Variants in POLN observed in about 807,000 individuals in gnomAD.
The protein encoded by POLN is DNA polymerase nu.
A neutral mutation model predicts 113.5 loss-of-function variants in POLN; 108 were observed. The observed-to-expected ratio is 0.95, with a 90% CI of 0.81 to 1.12. The LOEUF (loss-of-function observed/expected upper bound fraction) is 1.12. POLN is among the 50% of genes most tolerant of loss of function. POLN has a pLI of 0.00. For synonymous variants in POLN, 386 were observed against 391.5 expected, an observed-to-expected ratio of 0.99 and a Z score of 0.17; for missense variants, 1,097 against 1,077.1, an observed-to-expected ratio of 1.02 and a Z score of -0.26.
intron 2 of POLN, among the ~76,000 whole-genome samples, chr4:2,234,948 C>A (rs1161283855): frequency 6.6e-6 from 1 of 152,148 alleles, no homozygotes; most frequent in Non-Finnish European, 1.5e-5. Context: ...TGCAGTGGCG[C>A]GATCTTGACT....
intron 16 of POLN, among the ~76,000 whole-genome samples, chr4:2,151,746 G>A (rs1303923257): frequency 2.0e-5 from 3 of 152,314 alleles, no homozygotes; most frequent in Middle Eastern, 3.4e-3. Context: ...TCCATTCACA[G>A]AGGTTTCCAG....
At chr4:2,240,093 C>T (rs1441025670) in intron 2 of POLN, 8 of 1,613,880 alleles carry the variant, frequency 5.0e-6, no homozygotes, top group Non-Finnish European at 5.9e-6. Flanking sequence ...TGACTTCATG[C>T]TCGAATTACT....
intron 19 of POLN, among the ~76,000 whole-genome samples, chr4:2,124,338 T>G (rs112425108): frequency 6.6e-6 from 1 of 152,110 alleles, no homozygotes; most frequent in Admixed American, 6.5e-5. Flanking sequence ...GGTGTAATCA[T>G]AGCTCACTGC....
At chr4:2,197,909 CAA>C (rs908988231) in intron 6 of POLN, among the ~76,000 whole-genome samples, 1 of 152,112 alleles carries the variant, frequency 6.6e-6, no homozygotes, top group African/African-American at 2.4e-5. Context: ...GGCAGAAGCC[CAA>C]GTCATGTGGA....
chr4:2,206,944 C>G (rs1005488964), intron 5 of POLN, among the ~76,000 whole-genome samples: 2 of 152,212 alleles, frequency 1.3e-5, no homozygotes, highest in African/African-American at 4.8e-5. Context: ...AGGATACTTG[C>G]ACGTGCATGG....
intron 2 of POLN, chr4:2,240,895 T>C (rs1246105108): frequency 1.2e-6 from 2 of 1,602,376 alleles, no homozygotes; most frequent in Non-Finnish European, 1.7e-6. Flanking sequence ...TTATCAGCTT[T>C]GGGATAACCA....
chr4:2,153,023 G>C (rs1426716766), intron 16 of POLN, among the ~76,000 whole-genome samples: 3 of 152,162 alleles, frequency 2.0e-5, no homozygotes, highest in African/African-American at 7.2e-5. Flanking sequence ...AATACAACAG[G>C]ACATACGTGC....
chr4:2,095,815 T>C (rs1483111469), intron 20 of POLN, 36 bp downstream of exon 20: 4 of 1,590,430 alleles, frequency 2.5e-6, no homozygotes, highest in Non-Finnish European at 3.4e-6. Flanking sequence ...AGCTTACAGG[T>C]AACCCCGAGA....
chr4:2,212,731 T>C (rs1734022504), intron 4 of POLN, among the ~76,000 whole-genome samples: 1 of 152,060 alleles, frequency 6.6e-6, no homozygotes, highest in Non-Finnish European at 1.5e-5. Context: ...AACTCAGATA[T>C]AATTTTCATA....
At position 2,123,638 on chromosome 4, in the gene POLN, A is replaced by G. The variant is rs552824049; in HGVS notation, c.1982+4475T>C. On this transcript the variant is annotated intron_variant, in intron 19 of 25. Coordinates refer to ENST00000511885, the MANE Select transcript of POLN (RefSeq NM_181808.4). ...AGACCCTGTCTCAAAAAAAAAAAAA[A>G]AAAAAAAGAAAAAAAAATTCAGCCA... 2.2e-3 allele frequency among the ~76,000 whole-genome samples: 338 copies of G among 150,622 alleles called. 1 individual carries two copies. The highest frequency in any genetic ancestry group is 3.5e-3 in the Non-Finnish European group (234 of 67,598).
intron 13 of POLN, among the ~76,000 whole-genome samples, chr4:2,164,304 C>A (rs1362640678): frequency 6.6e-6 from 1 of 151,718 alleles, no homozygotes; most frequent in Non-Finnish European, 1.5e-5. Context: ...GAGTTGGAGA[C>A]CAGCCTGACC....
intron 19 of POLN, among the ~76,000 whole-genome samples, chr4:2,110,108 T>G (rs1053468954): frequency 6.6e-6 from 1 of 152,160 alleles, no homozygotes; most frequent in African/African-American, 2.4e-5. Context: ...CTCAACTACA[T>G]GGAAACTGAA....
intron 2 of POLN, among the ~76,000 whole-genome samples, chr4:2,237,997 C>T (rs895622776): frequency 2.6e-5 from 4 of 152,126 alleles, no homozygotes; most frequent in Non-Finnish European, 1.5e-5. Flanking sequence ...ATCCAGGCCC[C>T]TCATTTTATT....
intron 7 of POLN, among the ~76,000 whole-genome samples, chr4:2,185,616 C>T (rs1023102461): frequency 3.3e-5 from 5 of 152,022 alleles, no homozygotes; most frequent in African/African-American, 9.7e-5. Flanking sequence ...CATGGTGGCA[C>T]GTGCCTGTAA....
At chr4:2,168,640 G>C (rs1315028044) in intron 13 of POLN, among the ~76,000 whole-genome samples, 1 of 152,242 alleles carries the variant, frequency 6.6e-6, no homozygotes, top group Non-Finnish European at 1.5e-5. Flanking sequence ...AAGGGCAACA[G>C]TGCCAGCTGG....
At chr4:2,218,390 A>G (rs1262696162) in intron 3 of POLN, among the ~76,000 whole-genome samples, 2 of 151,760 alleles carry the variant, frequency 1.3e-5, no homozygotes, top group Non-Finnish European at 2.9e-5. Flanking sequence ...GGTTGTGGTG[A>G]GCTGAGATTG....
intron 16 of POLN, among the ~76,000 whole-genome samples, chr4:2,146,055 ACAAT>A (rs1188146317): frequency 7.3e-5 from 11 of 149,894 alleles, no homozygotes; most frequent in South Asian, 4.2e-4. Flanking sequence ...CAAAAAAAAG[ACAAT>A]CTATCATTTA....
intron 16 of POLN, among the ~76,000 whole-genome samples, chr4:2,142,749 G>A (rs996417964): frequency 3.3e-5 from 5 of 152,026 alleles, no homozygotes; most frequent in South Asian, 2.1e-4. Context: ...ACAGCCTAGC[G>A]AGAAAGAAAA....
chr4:2,207,935 G>A (rs1240241199), intron 5 of POLN, 52 bp downstream of exon 5: 2 of 1,509,030 alleles, frequency 1.3e-6, no homozygotes, highest in African/African-American at 2.8e-5. Context: ...TAAGAAAATG[G>A]GCTTCTTTTA....
Sources: allele counts gnomAD v4.1 joint callset (sites outside exome capture counted in the v4.1 genomes callset), GRCh38; gene constraint gnomAD v4.1.1; transcripts MANE v1.5; gene names NCBI Gene and HGNC (gene_info 2026-07-23, HGNC 2026-07-21).